The following PRDM16 variants were observed in gnomAD, a reference collection of about 807,000 sequenced individuals.
The protein encoded by PRDM16 is histone-lysine N-methyltransferase PRDM16.
A neutral mutation model predicts 110.6 loss-of-function variants in PRDM16; 23 were observed. That is an observed-to-expected ratio of 0.21 (90% CI 0.15 to 0.29). PRDM16 has a LOEUF of 0.29. Among genes scored for constraint, PRDM16 ranks in the 10% least tolerant of loss-of-function variants. The probability of loss-of-function intolerance (pLI) is 1.00; values close to 1 mark genes in which losing one functional copy is unlikely to be tolerated. For missense variants in PRDM16, 1,615 were observed against 1,794.3 expected (o/e 0.90, Z 1.81); for synonymous variants, 799 against 781.8 (o/e 1.02, Z -0.37).
At chr1:3,328,120 C>G (rs1435670270) in intron 3 of PRDM16, among the ~76,000 whole-genome samples, 3 of 152,226 alleles carry the variant, frequency 2.0e-5, no homozygotes, top group Non-Finnish European at 4.4e-5. Context: ...GGCGAGGCCC[C>G]TGCCGGGCCA....
intron 3 of PRDM16, among the ~76,000 whole-genome samples, chr1:3,285,712 G>A (rs1187255772): frequency 6.6e-6 from 1 of 152,216 alleles, no homozygotes; most frequent in Admixed American, 6.5e-5. Flanking sequence ...GAAATGGCTA[G>A]ATGAAGGTCT....
intron 1 of PRDM16, among the ~76,000 whole-genome samples, chr1:3,174,877 G>T (rs902931511): frequency 2.6e-5 from 4 of 152,178 alleles, no homozygotes; most frequent in Admixed American, 1.3e-4. Flanking sequence ...GATAGAAACG[G>T]CAATTGATCA....
intron 2 of PRDM16, among the ~76,000 whole-genome samples, chr1:3,238,629 G>A (rs920793560): frequency 2.0e-5 from 3 of 152,222 alleles, no homozygotes; most frequent in African/African-American, 7.2e-5. Context: ...GCGACTAACC[G>A]CCTTTCACGG....
chr1:3,411,539 A>C lies in PRDM16; in HGVS notation c.1342A>C (p.Lys448Gln). The change falls in exon 9 of 17, where the codon AAG becomes CAG. Residue 448 changes from lysine (K) to glutamine (Q), a missense_variant. By Grantham distance (53) the Lys-to-Gln change is moderately conservative (BLOSUM62 1). Transcript: ENST00000270722. The part of the protein sequence containing the change: ...LNKHRRFCEG[K>Q]NHYTPGGIFA... ...CAAGCACCGGCGCTTCTGCGAGGGCAAGAACCATTACACGCCGGGCGGCAT... is the reference window on the plus strand; with the variant it reads ...CAAGCACCGGCGCTTCTGCGAGGGCCAGAACCATTACACGCCGGGCGGCAT... 1 of 1,614,178 alleles carries C rather than the reference A, an allele frequency of 6.2e-7. No homozygotes were observed. The highest frequency in any genetic ancestry group is 1.1e-5 in the South Asian group (1 of 91,086).
chr1:3,419,116 G>A (rs1638356287), intron 12 of PRDM16, among the ~76,000 whole-genome samples: 1 of 152,200 alleles, frequency 6.6e-6, no homozygotes, highest in Non-Finnish European at 1.5e-5. Flanking sequence ...CCCACACCCA[G>A]CCCAACTCCG....
At chr1:3,187,442 G>T (rs1398206588) in intron 2 of PRDM16, among the ~76,000 whole-genome samples, 2 of 152,170 alleles carry the variant, frequency 1.3e-5, no homozygotes, top group Non-Finnish European at 2.9e-5. Flanking sequence ...GTGGGGGCAG[G>T]GTCCTGTGTC....
In PRDM16 at chr1:3,081,628, G is replaced by C. The variant is rs1448221741; in HGVS notation, c.37+12332G>C. Among the ~76,000 whole-genome samples the C allele has an allele frequency of 1.3e-5, 2 of 152,172 alleles. No individual in the cohort carries two copies. Among genetic ancestry groups the C allele is most frequent in the Non-Finnish European group, 2.9e-5 (2 of 68,034 alleles). On this transcript the variant is annotated intron_variant, in intron 1 of 16. Coordinates refer to ENST00000270722, the MANE Select transcript of PRDM16 (RefSeq NM_022114.4). The surrounding 1 kb of genome is among the most constrained non-coding windows in gnomAD (Gnocchi z 4.6). ...CTGTGAGCACGGGGGGTGAGCAGTG[G>C]GCAGCTCCAGGAAGCCTTGCTGTGG...
rs577117218 is a variant in PRDM16, at chr1:3,157,150, C to T, written c.38-28975C>T. Among the ~76,000 whole-genome samples, 1 of 152,120 alleles carries T rather than the reference C, an allele frequency of 6.6e-6. No homozygotes were observed. The highest frequency in any genetic ancestry group is 1.9e-4 in the East Asian group (1 of 5,168). The stretch of plus-strand genomic sequence containing the variant: ...TAGCACCTGCCGGGCTCAGCCTGGG[C>T]GGCTCAGAGGGCGGGACCTGGAGAA... On this transcript the variant is annotated intron_variant, in intron 1 of 16. Transcript: ENST00000270722. The surrounding 1 kb of genome is among the most constrained non-coding windows in gnomAD (Gnocchi z 4.8).
At position 3,290,342 on chromosome 1, in the gene PRDM16, G is replaced by A. The variant is rs952920246; in HGVS notation, c.438+46205G>A. Among the ~76,000 whole-genome samples, 1 of 152,176 alleles carries A rather than the reference G, an allele frequency of 6.6e-6. No homozygotes were observed. The highest frequency in any genetic ancestry group is 1.5e-5 in the Non-Finnish European group (1 of 68,040). Reference sequence around the variant, plus strand: ...CGCCCCTTCCATGCTCAAAATGGCTGGAAGAGGAGAGCCTCTCAGTATCCC... The same window carrying A: ...CGCCCCTTCCATGCTCAAAATGGCTAGAAGAGGAGAGCCTCTCAGTATCCC... On this transcript the variant is annotated intron_variant, in intron 3 of 16. Coordinates refer to ENST00000270722, the MANE Select transcript of PRDM16 (RefSeq NM_022114.4). The surrounding 1 kb of genome is among the most constrained non-coding windows in gnomAD (Gnocchi z 4.8).
intron 11 of PRDM16, 82 bp from the exon 12 acceptor site, chr1:3,418,585 T>G: frequency 1.0e-6 from 1 of 953,122 alleles, no homozygotes. Context: ...ACCCCGAGCA[T>G]TAGCTTGAAA....
At chr1:3,222,026 C>T (rs1301203407) in intron 2 of PRDM16, among the ~76,000 whole-genome samples, 1 of 152,220 alleles carries the variant, frequency 6.6e-6, no homozygotes, top group Admixed American at 6.5e-5. Flanking sequence ...TGGAGGGCGT[C>T]CACTGCTCCC....
In PRDM16 at chr1:3,230,455, C is replaced by T. The variant is rs548655337; in HGVS notation, c.388-13632C>T. 2.0e-4 allele frequency among the ~76,000 whole-genome samples: 30 copies of T among 152,324 alleles called. No individual in the cohort carries two copies. The Middle Eastern group carries it at 0.01, about 52-fold the overall frequency. ...CCCAGAGAAGAGACCCTTCCCCATC[C>T]CAGAGGAGGTTGAATATCCAGGGAA... On this transcript the variant is annotated intron_variant, in intron 2 of 16. Coordinates refer to ENST00000270722, the MANE Select transcript of PRDM16 (RefSeq NM_022114.4).
chr1:3,223,258 T>C (rs1487951155), intron 2 of PRDM16, among the ~76,000 whole-genome samples: 1 of 152,048 alleles, frequency 6.6e-6, no homozygotes, highest in African/African-American at 2.4e-5. Context: ...GGGCCAGTTT[T>C]AACTAGGGCG....
At chr1:3,114,556 G>A (rs1009557427) in intron 1 of PRDM16, among the ~76,000 whole-genome samples, 1 of 150,902 alleles carries the variant, frequency 6.6e-6, no homozygotes, top group Non-Finnish European at 1.5e-5. Flanking sequence ...ACACACACGT[G>A]CACAAACAAG....
intron 1 of PRDM16, among the ~76,000 whole-genome samples, chr1:3,109,856 A>C (rs1642744589): frequency 6.6e-6 from 1 of 152,222 alleles, no homozygotes; most frequent in African/African-American, 2.4e-5. Flanking sequence ...TTTGTGTTGG[A>C]TATGGGCTCA....
At chr1:3,285,512 G>A (rs1640824888) in intron 3 of PRDM16, among the ~76,000 whole-genome samples, 1 of 152,178 alleles carries the variant, frequency 6.6e-6, no homozygotes, top group African/African-American at 2.4e-5. Flanking sequence ...CTTCCTGGGA[G>A]CAGGCATGCT....
Position 3,361,318 on chromosome 1 carries a change from G to A in PRDM16, c.439-23834G>A, listed in dbSNP as rs140352057. Among the ~76,000 whole-genome samples, 401 of 152,296 alleles carry A rather than the reference G, an allele frequency of 2.6e-3. 5 individuals carry two copies. Among genetic ancestry groups the A allele is most frequent in the African/African-American group, 9.4e-3 (392 of 41,558 alleles). ...TGGAGACGGGGTCTCTGGGGATGAC[G>A]TGTTGAAGCCGTCCAGGACCCAGAG... is the stretch of plus-strand genomic sequence containing the variant. On this transcript the variant is annotated intron_variant, in intron 3 of 16. Coordinates refer to ENST00000270722, the MANE Select transcript of PRDM16 (RefSeq NM_022114.4).
intron 1 of PRDM16, among the ~76,000 whole-genome samples, chr1:3,084,948 C>A (rs1642116510): frequency 6.6e-6 from 1 of 152,174 alleles, no homozygotes; most frequent in Non-Finnish European, 1.5e-5. Flanking sequence ...CAGCCGCGCA[C>A]CCTGCGGCAG....
intron 2 of PRDM16, among the ~76,000 whole-genome samples, chr1:3,238,905 G>A (rs1478071780): frequency 6.6e-6 from 1 of 152,136 alleles, no homozygotes; most frequent in Admixed American, 6.5e-5. Flanking sequence ...CCTCAACTCT[G>A]CAGCCCCTGT....
Sources: allele counts gnomAD v4.1 joint callset (sites outside exome capture counted in the v4.1 genomes callset), GRCh38; gene constraint gnomAD v4.1.1; non-coding constraint Gnocchi (gnomAD v3.1); transcripts MANE v1.5; gene names NCBI Gene and HGNC (gene_info 2026-07-23, HGNC 2026-07-21).